The following RAB3B variants were observed in gnomAD, a reference collection of about 807,000 sequenced individuals.
The protein encoded by RAB3B is ras-related protein Rab-3B.
RAB3B carries 11 observed loss-of-function variants against 20.5 expected under a neutral mutation model. The observed-to-expected ratio is 0.54, with a 90% CI of 0.34 to 0.89. The LOEUF (loss-of-function observed/expected upper bound fraction) is 0.89, where lower values mean the gene tolerates loss of function less well. RAB3B is among the 40% of genes least tolerant of loss of function. The probability of loss-of-function intolerance (pLI) is 0.02; values close to 1 mark genes in which losing one functional copy is unlikely to be tolerated. For synonymous variants in RAB3B, 99 were observed against 106.3 expected (o/e 0.93, Z 0.42); for missense variants, 225 against 280.9 (o/e 0.80, Z 1.42).
intron 4 of RAB3B, among the ~76,000 whole-genome samples, chr1:51,931,587 T>C (rs917413586): frequency 1.3e-5 from 2 of 152,154 alleles, no homozygotes; most frequent in Admixed American, 6.5e-5. Context: ...CCCGGCCATA[T>C]GCTAGGCACA....
At chr1:51,930,883 G>C (rs375906408) in intron 4 of RAB3B, among the ~76,000 whole-genome samples, 19 of 152,068 alleles carry the variant, frequency 1.2e-4, no homozygotes, top group South Asian at 4.2e-4. Context: ...CAGGCATGGT[G>C]GTGGGTGCCT....
At chr1:51,939,172 C>T (rs1407831305) in intron 2 of RAB3B, among the ~76,000 whole-genome samples, 4 of 152,208 alleles carry the variant, frequency 2.6e-5, no homozygotes, top group Non-Finnish European at 4.4e-5. Flanking sequence ...AAATTTTCCA[C>T]ACAGTCCTCG....
rs1684114068 is a variant in RAB3B at position 51,918,113 on chromosome 1, T to C, written c.*1814A>G. The C allele has an allele frequency of 6.6e-6, 1 of 152,180 alleles. No homozygotes were observed. Among genetic ancestry groups the C allele is most frequent in the African/African-American group, 2.4e-5 (1 of 41,444 alleles). 9.4% of individuals were successfully genotyped at this position (152,180 alleles called of 1,614,324 possible). ...AGCTAATTTATTCTGGTCTCTGAGT[T>C]TCTTTTATTTTTTTCCTCAGGTATT... On this transcript the variant is annotated 3_prime_UTR_variant, in exon 5 of 5. Coordinates refer to ENST00000371655, the MANE Select transcript of RAB3B (RefSeq NM_002867.4).
At chr1:51,939,953 G>T (rs911510159) in intron 2 of RAB3B, among the ~76,000 whole-genome samples, 2 of 152,138 alleles carry the variant, frequency 1.3e-5, no homozygotes, top group Non-Finnish European at 2.9e-5. Context: ...TTATTCACAA[G>T]CATCTACTGA....
chr1:51,944,950 T>C (rs1684545550), intron 2 of RAB3B, among the ~76,000 whole-genome samples: 1 of 152,180 alleles, frequency 6.6e-6, no homozygotes, highest in South Asian at 2.1e-4. Context: ...TCAAACAGCA[T>C]CACCATGCAA....
At chr1:51,955,649 C>T (rs1684698228) in intron 2 of RAB3B, among the ~76,000 whole-genome samples, 1 of 152,190 alleles carries the variant, frequency 6.6e-6, no homozygotes. Context: ...ATCCGCCAGC[C>T]TCAGCCTCCC....
intron 4 of RAB3B, 24 bp downstream of exon 4, chr1:51,933,294 C>T (rs766984544): frequency 1.2e-6 from 2 of 1,611,020 alleles, no homozygotes; most frequent in Non-Finnish European, 1.7e-6. Flanking sequence ...TGCACACATG[C>T]ACATACATGT....
At chr1:51,983,581 C>T (rs766563147) in intron 1 of RAB3B, among the ~76,000 whole-genome samples, 6 of 152,112 alleles carry the variant, frequency 3.9e-5, no homozygotes, top group Non-Finnish European at 7.4e-5. Context: ...TGACACATCC[C>T]TCAGAACATA....
chr1:51,955,045 G>C (rs1245192647), intron 2 of RAB3B, among the ~76,000 whole-genome samples: 3 of 152,202 alleles, frequency 2.0e-5, no homozygotes, highest in Admixed American at 2.0e-4. Flanking sequence ...TAAATAGTAA[G>C]GCCACTGAGG....
Position 51,918,218 on chromosome 1 carries a change from T to C in RAB3B, c.*1709A>G, listed in dbSNP as rs997516608. The C allele has an allele frequency of 6.6e-6, 1 of 152,198 alleles. No individual in the cohort carries two copies. The highest frequency in any genetic ancestry group is 1.5e-5 in the Non-Finnish European group (1 of 68,038). 9.4% of individuals were successfully genotyped at this position (152,198 alleles called of 1,614,324 possible). Reference sequence around the variant, plus strand: ...GGTTTCACTCCCAGGAGAAAGGGGTTGGGATCGGGATCTCTGAGTTCAATT... The same window carrying C: ...GGTTTCACTCCCAGGAGAAAGGGGTCGGGATCGGGATCTCTGAGTTCAATT... On this transcript the variant is annotated 3_prime_UTR_variant, in exon 5 of 5. Coordinates refer to ENST00000371655, the MANE Select transcript of RAB3B (RefSeq NM_002867.4).
At position 51,907,968 on chromosome 1, in the gene RAB3B, G is replaced by C. The variant is rs1212098039; in HGVS notation, c.*11959C>G. On this transcript the variant is annotated 3_prime_UTR_variant, in exon 5 of 5. Transcript: ENST00000371655. Reference sequence around the variant, plus strand: ...TCTACAAATGATACACAATTCAGAAGAACTTTAATGCATATACCATCATTG... The same window carrying C: ...TCTACAAATGATACACAATTCAGAACAACTTTAATGCATATACCATCATTG... The C allele has an allele frequency of 6.6e-6, 1 of 152,042 alleles. No individual in the cohort carries two copies. Among genetic ancestry groups the C allele is most frequent in the East Asian group, 1.9e-4 (1 of 5,202 alleles). 9.4% of individuals were successfully genotyped at this position (152,042 alleles called of 1,614,324 possible). A position where few individuals can be genotyped will look rare whatever the true frequency, so the allele number is the denominator to read the frequency against.
Position 51,919,986 on chromosome 1 carries a change from A to C in RAB3B, c.601T>G (p.Ser201Ala). 6.2e-7 allele frequency: 1 copy of C among 1,614,152 alleles called. No homozygotes were observed. The highest frequency in any genetic ancestry group is 8.5e-7 in the Non-Finnish European group (1 of 1,180,022). The change falls in exon 5 of 5, where the codon TCC becomes GCC. Residue 201 changes from serine (S) to alanine (A), a missense_variant. Coordinates refer to ENST00000371655, the MANE Select transcript of RAB3B (RefSeq NM_002867.4). Reference protein sequence around the residue: ...LDTDPSMLGSSKNTRLSDTPP... With the variant: ...LDTDPSMLGSAKNTRLSDTPP... ...GTGTCCGAGAGACGCGTGTTCTTGGAGGAGCCCAGCATCGACGGGTCTGTG... is the reference window on the plus strand; with the variant it reads ...GTGTCCGAGAGACGCGTGTTCTTGGCGGAGCCCAGCATCGACGGGTCTGTG...
intron 2 of RAB3B, among the ~76,000 whole-genome samples, chr1:51,962,898 C>A (rs1455170996): frequency 6.6e-6 from 1 of 151,964 alleles, no homozygotes; most frequent in Non-Finnish European, 1.5e-5. Context: ...TTGCTTCTCA[C>A]CCCTGCTTTC....
At chr1:51,943,420 ACAACAC>A (rs542378936) in intron 2 of RAB3B, among the ~76,000 whole-genome samples, 10,696 of 46,038 alleles carry the variant, frequency 0.23, 585 homozygotes, top group East Asian at 0.52. Context: ...AACAACAACA[ACAACAC>A]CACAATGGCC....
intron 4 of RAB3B, among the ~76,000 whole-genome samples, chr1:51,922,257 G>C (rs1684182303): frequency 6.6e-6 from 1 of 152,150 alleles, no homozygotes; most frequent in Admixed American, 6.6e-5. Context: ...TTGTTTATTT[G>C]GGAAAGAGGC....
intron 1 of RAB3B, among the ~76,000 whole-genome samples, chr1:51,985,175 G>A (rs1357685692): frequency 6.6e-6 from 1 of 152,202 alleles, no homozygotes; most frequent in Non-Finnish European, 1.5e-5. Context: ...TGGAGGTACT[G>A]AATACATATT....
intron 4 of RAB3B, among the ~76,000 whole-genome samples, chr1:51,928,664 G>C (rs1165841420): frequency 6.6e-6 from 1 of 152,096 alleles, no homozygotes; most frequent in Non-Finnish European, 1.5e-5. Context: ...AATTCTTAAC[G>C]TGGTCTACAA....
At chr1:51,929,362 C>G (rs1684292108) in intron 4 of RAB3B, among the ~76,000 whole-genome samples, 1 of 151,562 alleles carries the variant, frequency 6.6e-6, no homozygotes, top group South Asian at 2.2e-4. Flanking sequence ...GAGTCTTGCT[C>G]TGTCACCCAG....
Position 51,933,349 on chromosome 1 carries a change from A to G in RAB3B, c.441T>C (p.Thr147=), listed in dbSNP as rs2230325. The change falls in exon 4 of 5, where the codon ACT becomes ACC. Residue 147 remains threonine (T), a synonymous_variant. Coordinates refer to ENST00000371655, the MANE Select transcript of RAB3B (RefSeq NM_002867.4). ...GCTCTGCAAGGAGCTGGCCCTTCTCAGTGGGAACAACCCTCTCTTCCTCCA... is the reference window on the plus strand; with the variant it reads ...GCTCTGCAAGGAGCTGGCCCTTCTCGGTGGGAACAACCCTCTCTTCCTCCA... ...CDMEEERVVP[T]EKGQLLAEQL... 49,718 of 1,613,682 alleles carry G rather than the reference A, an allele frequency of 0.031. 1,707 individuals carry two copies. Among genetic ancestry groups the G allele is most frequent in the African/African-American group, 0.15 (11,528 of 74,846 alleles).
Sources: gnomAD v4.1 joint callset for allele counts (sites outside exome capture counted in the v4.1 genomes callset) on GRCh38, gnomAD v4.1.1 for gene constraint, MANE v1.5 for transcripts, NCBI Gene and HGNC (gene_info 2026-07-23, HGNC 2026-07-21) for gene names.